The following ASPA variants were observed in gnomAD, a reference collection of about 807,000 sequenced individuals.
The protein encoded by ASPA is aspartoacylase.
ASPA carries 25 observed loss-of-function variants against 29.6 expected under a neutral mutation model. The observed-to-expected ratio is 0.85, with a 90% CI of 0.62 to 1.18. ASPA has a LOEUF of 1.18. Among genes scored for constraint, ASPA ranks in the 50% most tolerant of loss-of-function variants. The pLI is 0.00. For missense variants in ASPA, 333 were observed against 385.7 expected, an observed-to-expected ratio of 0.86 and a Z score of 1.14; for synonymous variants, 131 against 130.3, an observed-to-expected ratio of 1.01 and a Z score of -0.04.
Position 3,494,333 on chromosome 17 carries a change from T to C in ASPA, c.635-17T>C. The stretch of plus-strand genomic sequence containing the variant: ...GATGTTTTTAGTTGCCATTGATACA[T>C]ATTGTTTTTGTCATAGGAAAAGAAT... On this transcript the variant is annotated splice_polypyrimidine_tract_variant and intron_variant, in intron 4 of 5. Transcript: ENST00000263080. 2 of 1,562,998 alleles carry C rather than the reference T, an allele frequency of 1.3e-6. No homozygotes were observed. Among genetic ancestry groups the C allele is most frequent in the South Asian group, 1.1e-5 (1 of 90,132 alleles).
At position 3,500,733 on chromosome 17, in the gene ASPA, T is replaced by C. The variant is rs7210916; in HGVS notation, c.*1645T>C. 1 of 151,636 alleles carries C rather than the reference T, an allele frequency of 6.6e-6. No individual in the cohort carries two copies. Among genetic ancestry groups the C allele is most frequent in the East Asian group, 1.9e-4 (1 of 5,156 alleles). The allele number at this position is 151,636 out of a possible 1,614,324, so 9.4% of individuals were successfully genotyped here. ...GCTAGCCAGGATGGTCTCGATCTCC[T>C]GACCTCATGATCCGCCTGCCTCGGC... On this transcript the variant is annotated 3_prime_UTR_variant, in exon 6 of 6. Transcript: ENST00000263080.
chr17:3,480,302 G>A (rs181030446), intron 1 of ASPA, among the ~76,000 whole-genome samples: 2 of 152,230 alleles, frequency 1.3e-5, no homozygotes, highest in Admixed American at 1.3e-4. Context: ...CTGTACAGAA[G>A]GCCAGAGTTT....
intron 4 of ASPA, among the ~76,000 whole-genome samples, chr17:3,492,405 A>G (rs1251827723): frequency 6.6e-6 from 1 of 152,226 alleles, no homozygotes; most frequent in Non-Finnish European, 1.5e-5. Flanking sequence ...TTTTTGGTTT[A>G]AAGAAATGAG....
chr17:3,489,303 A>T lies in ASPA; in HGVS notation c.595A>T (p.Ile199Phe). 1 of 1,613,406 alleles carries T rather than the reference A, an allele frequency of 6.2e-7. No individual in the cohort carries two copies. Among genetic ancestry groups the T allele is most frequent in the Non-Finnish European group, 8.5e-7 (1 of 1,179,730 alleles). The change falls in exon 4 of 6, where the codon ATT (isoleucine) becomes TTT (phenylalanine). Residue 199 changes from isoleucine (I) to phenylalanine (F), a missense_variant. Physicochemically the swap from Ile to Phe is conservative, Grantham distance 21. Coordinates refer to ENST00000263080, the MANE Select transcript of ASPA (RefSeq NM_000049.4). ...TATCTTGGATCAAATGAGAAAAATG[A>T]TTAAACATGCTCTTGATTTTATACA... Reference protein sequence around the residue: ...ADILDQMRKMIKHALDFIHHF... With the variant: ...ADILDQMRKMFKHALDFIHHF...
rs574328488 is a variant in ASPA, at chr17:3,476,389, A to G, written c.230A>G (p.Asn77Ser). Residue 77 changes from asparagine to serine, a missense_variant, in exon 1 of 6, where the codon AAT becomes AGT. Physicochemically the swap from Asn to Ser is conservative, Grantham distance 46. Coordinates refer to ENST00000263080, the MANE Select transcript of ASPA (RefSeq NM_000049.4). ...CTGAATCGCATTTTTGACCTTGAAAATCTTGGGTAAGACTATGCTTTGTAT... is the reference window on the plus strand; with the variant it reads ...CTGAATCGCATTTTTGACCTTGAAAGTCTTGGGTAAGACTATGCTTTGTAT... Reference protein sequence around the residue: ...CDLNRIFDLENLGKKMSEDLP... With the variant: ...CDLNRIFDLESLGKKMSEDLP... 8.1e-5 allele frequency: 131 copies of G among 1,613,852 alleles called. 1 individual carries two copies. In the South Asian group the frequency reaches 1.3e-3, roughly 15 times the overall value.
At chr17:3,491,249 C>T (rs2073819284) in intron 4 of ASPA, among the ~76,000 whole-genome samples, 1 of 152,100 alleles carries the variant, frequency 6.6e-6, no homozygotes. Context: ...TTAAGGTTAA[C>T]AACATCAGGG....
At position 3,481,758 on chromosome 17, in the gene ASPA, C is replaced by T. The variant is rs1443148651; in HGVS notation, c.392C>T (p.Ser131Phe). The T allele has an allele frequency of 6.2e-7, 1 of 1,612,476 alleles. No homozygotes were observed. Among genetic ancestry groups the T allele is most frequent in the Admixed American group, 1.7e-5 (1 of 59,942 alleles). ...NMGCTLILED[S>F]RNNFLIQMFH... is the part of the protein sequence containing the mutation. ...GGGTGCACTCTTATTCTTGAGGATTCCAGGAATAACTTTTTAATTCAGATG... is the reference window on the plus strand; with the variant it reads ...GGGTGCACTCTTATTCTTGAGGATTTCAGGAATAACTTTTTAATTCAGATG... The change falls in exon 2 of 6, where the codon TCC becomes TTC. Residue 131 changes from serine (S) to phenylalanine (F), a missense_variant. Physicochemically the swap from Ser to Phe is radical, Grantham distance 155 (BLOSUM62 -2). Transcript: ENST00000263080.
intron 1 of ASPA, among the ~76,000 whole-genome samples, chr17:3,476,972 A>C (rs2073534336): frequency 6.6e-6 from 1 of 152,080 alleles, no homozygotes; most frequent in African/African-American, 2.4e-5. Context: ...TGGCTAATGC[A>C]GTGAAACCCC....
intron 2 of ASPA, among the ~76,000 whole-genome samples, chr17:3,482,334 GTCTAA>G (rs1162078227): frequency 6.6e-6 from 1 of 152,118 alleles, no homozygotes; most frequent in Non-Finnish European, 1.5e-5. Context: ...CCCAGAATAC[GTCTAA>G]TCTTTCAGTA....
At chr17:3,481,941 G>T (rs2073638844) in intron 2 of ASPA, 143 bp downstream of exon 2, 2 of 767,050 alleles carry the variant, frequency 2.6e-6, no homozygotes, top group Non-Finnish European at 4.2e-6. Flanking sequence ...TGGTGGTTGG[G>T]GGGAAAGGGT....
Position 3,502,497 on chromosome 17 carries a change from G to A in ASPA, c.*3409G>A, listed in dbSNP as rs1227623332. On this transcript the variant is annotated 3_prime_UTR_variant, in exon 6 of 6. Transcript: ENST00000263080. The stretch of plus-strand genomic sequence containing the variant: ...TTGGGTTAATGGTAATATACTAAGC[G>A]TCCAGTCTATAAACTTCAGCATTCG... The A allele has an allele frequency of 3.9e-5, 6 of 152,216 alleles. No homozygotes were observed. In the East Asian group the frequency reaches 1.2e-3, roughly 29 times the overall value. The allele number at this position is 152,216 out of a possible 1,614,324, so 9.4% of individuals were successfully genotyped here.
chr17:3,486,864 C>T (rs990385113), intron 3 of ASPA, among the ~76,000 whole-genome samples: 1 of 152,068 alleles, frequency 6.6e-6, no homozygotes, highest in African/African-American at 2.4e-5. Context: ...ATTAATTTTT[C>T]GATACAAGAT....
chr17:3,490,022 A>G lies in ASPA; in HGVS notation c.634+680A>G, dbSNP rs1319007204. The stretch of plus-strand genomic sequence containing the variant: ...TCAAAACACAATGGTAATTAGCAGA[A>G]AGCAAGTTGCAGACCAAGACATTCA... On this transcript the variant is annotated intron_variant, in intron 4 of 5. Transcript: ENST00000263080. This position sits in a 1 kb window ranked among gnomAD's most constrained non-coding sequence, Gnocchi z 4.6. Among the ~76,000 whole-genome samples the G allele has an allele frequency of 1.3e-5, 2 of 152,202 alleles. No individual in the cohort carries two copies. Among genetic ancestry groups the G allele is most frequent in the Non-Finnish European group, 2.9e-5 (2 of 68,034 alleles).
chr17:3,497,137 C>T (rs1171547844), intron 5 of ASPA, among the ~76,000 whole-genome samples: 1 of 151,966 alleles, frequency 6.6e-6, no homozygotes, highest in African/African-American at 2.4e-5. Context: ...AGGGTGTAGA[C>T]AGGGAATCAA....
chr17:3,478,194 A>AT (rs1336526615), intron 1 of ASPA, among the ~76,000 whole-genome samples: 8,960 of 151,044 alleles, frequency 0.059, 313 homozygotes, highest in African/African-American at 0.078. Context: ...CAAAAAAAAA[A>AT]ATATATATAT....
chr17:3,493,998 A>T (rs1330599842), intron 4 of ASPA, among the ~76,000 whole-genome samples: 2 of 148,932 alleles, frequency 1.3e-5, no homozygotes, highest in Non-Finnish European at 3.0e-5. Context: ...TGTTGTTATT[A>T]TTGTTTCTTC....
Position 3,476,404 on chromosome 17 carries a change from A to G in ASPA, c.236+9A>G, listed in dbSNP as rs2073523852. The stretch of plus-strand genomic sequence containing the variant: ...GACCTTGAAAATCTTGGGTAAGACT[A>G]TGCTTTGTATTGTATATGTATGTAT... On this transcript the variant is annotated intron_variant, in intron 1 of 5. Transcript: ENST00000263080. The G allele has an allele frequency of 6.2e-7, 1 of 1,610,632 alleles. No individual in the cohort carries two copies.
rs1874839308 is a variant in ASPA at position 3,490,262 on chromosome 17, T to TA, written c.634+923dup. Reference sequence around the variant, plus strand: ...ATTATTTCTGTAATTAAAAATTAATTAAACGGGGACTGGTGGACAAGGTGG... The same window carrying TA: ...ATTATTTCTGTAATTAAAAATTAATTAAAACGGGGACTGGTGGACAAGGTGG... On this transcript the variant is annotated intron_variant, in intron 4 of 5. Transcript: ENST00000263080. This position sits in a 1 kb window ranked among gnomAD's most constrained non-coding sequence, Gnocchi z 4.6. 3.3e-5 allele frequency among the ~76,000 whole-genome samples: 5 copies of TA among 152,266 alleles called. No homozygotes were observed. The highest frequency in any genetic ancestry group is 1.2e-4 in the African/African-American group (5 of 41,546).
chr17:3,489,313 C>T lies in ASPA; in HGVS notation c.605C>T (p.Ala202Val). ...LDQMRKMIKH[A>V]LDFIHHFNEG... The stretch of plus-strand genomic sequence containing the variant: ...CAAATGAGAAAAATGATTAAACATG[C>T]TCTTGATTTTATACATCATTTCAAT... The change falls in exon 4 of 6, where the codon GCT becomes GTT. Residue 202 changes from alanine (A) to valine (V), a missense_variant. Transcript: ENST00000263080. 1 of 1,612,676 alleles carries T rather than the reference C, an allele frequency of 6.2e-7. No homozygotes were observed. The highest frequency in any genetic ancestry group is 1.7e-4 in the Middle Eastern group (1 of 5,856).
Sources: allele counts gnomAD v4.1 joint callset (sites outside exome capture counted in the v4.1 genomes callset), GRCh38; gene constraint gnomAD v4.1.1; non-coding constraint Gnocchi (gnomAD v3.1); transcripts MANE v1.5; gene names NCBI Gene and HGNC (gene_info 2026-07-23, HGNC 2026-07-21).